The following CLYBL variants were observed in gnomAD, a reference collection of about 807,000 sequenced individuals.
The protein encoded by CLYBL is citramalyl-CoA lyase, mitochondrial.
CLYBL carries 31 observed loss-of-function variants against 38.9 expected under a neutral mutation model. The ratio of observed to expected loss-of-function variants is 0.80; its 90% CI spans 0.60 to 1.08. The LOEUF is 1.08. Among genes scored for constraint, CLYBL ranks in the 50% least tolerant of loss-of-function variants. The pLI is 0.00. For missense variants in CLYBL, 434 were observed against 411.6 expected, an observed-to-expected ratio of 1.05 and a Z score of -0.47; for synonymous variants, 171 against 158.6, an observed-to-expected ratio of 1.08 and a Z score of -0.59.
chr13:99,890,309 A>G (rs1415930633), intron 7 of CLYBL, among the ~76,000 whole-genome samples: 1 of 152,094 alleles, frequency 6.6e-6, no homozygotes, highest in Non-Finnish European at 1.5e-5. Flanking sequence ...CTCATCTAAA[A>G]CAGGGCTTAG....
chr13:99,645,882 G>A (rs2047169420), intron 1 of CLYBL, among the ~76,000 whole-genome samples: 1 of 152,108 alleles, frequency 6.6e-6, no homozygotes. Context: ...CTGTGCTTTT[G>A]GGGCCTTAGG....
chr13:99,710,880 C>CTTTT (rs1566297319), intron 1 of CLYBL, among the ~76,000 whole-genome samples: 2 of 134,880 alleles, frequency 1.5e-5, no homozygotes, highest in African/African-American at 5.7e-5. Flanking sequence ...GTTTCTAACC[C>CTTTT]CTTTTTTTTT....
intron 1 of CLYBL, among the ~76,000 whole-genome samples, chr13:99,696,651 A>T (rs1719521389): frequency 6.6e-6 from 1 of 152,102 alleles, no homozygotes. Flanking sequence ...AGAAGGAAAA[A>T]AAAAAGTATG....
intron 1 of CLYBL, among the ~76,000 whole-genome samples, chr13:99,701,981 C>G (rs918832460): frequency 6.6e-6 from 1 of 152,122 alleles, no homozygotes; most frequent in African/African-American, 2.4e-5. Context: ...AGTGATACCC[C>G]CTCTCCCCTG....
At position 99,734,131 on chromosome 13, in the gene CLYBL, C is replaced by T. The variant is rs547230926; in HGVS notation, c.63-38693C>T. Among the ~76,000 whole-genome samples the T allele has an allele frequency of 2.6e-5, 4 of 152,276 alleles. No individual in the cohort carries two copies. In the East Asian group the frequency reaches 5.8e-4, roughly 22 times the overall value. On this transcript the variant is annotated intron_variant, in intron 1 of 8. Transcript: ENST00000339105. ...TCTGATTCATTTCTTCTGCCCTGCT[C>T]CCCTGCTCTGCATTTTTTTAGTCAA... is the stretch of plus-strand genomic sequence containing the variant.
intron 1 of CLYBL, among the ~76,000 whole-genome samples, chr13:99,748,429 G>GTTTTTTTTTT (rs1165919560): frequency 3.4e-5 from 3 of 87,686 alleles, no homozygotes; most frequent in African/African-American, 1.6e-4. Flanking sequence ...CTAGTTTTGT[G>GTTTTTTTTTT]TTTTTTTTTT....
intron 2 of CLYBL, among the ~76,000 whole-genome samples, chr13:99,818,168 C>G (rs139649138): frequency 6.6e-6 from 1 of 152,146 alleles, no homozygotes; most frequent in Non-Finnish European, 1.5e-5. Flanking sequence ...GATCAGTCAG[C>G]TGGTTACCAG....
rs529111294 is a variant in CLYBL, at chr13:99,651,565, G to A, written c.62+44808G>A. 7.3e-5 allele frequency among the ~76,000 whole-genome samples: 11 copies of A among 149,860 alleles called. No individual in the cohort carries two copies. The South Asian group carries it at 1.5e-3, about 20-fold the overall frequency. ...AGCCTGGGTGACACAGCGAGACCCC[G>A]TCTCAAAAAAGAATTGAATAAATAT... On this transcript the variant is annotated intron_variant, in intron 1 of 8. Coordinates refer to ENST00000339105, the MANE Select transcript of CLYBL (RefSeq NM_206808.5).
At chr13:99,771,065 G>A (rs2049384351) in intron 1 of CLYBL, among the ~76,000 whole-genome samples, 1 of 129,710 alleles carries the variant, frequency 7.7e-6, no homozygotes, top group African/African-American at 3.0e-5. Flanking sequence ...GCAAGGTATT[G>A]CTCTGTTGCT....
chr13:99,621,249 C>T (rs917642734), intron 1 of CLYBL, among the ~76,000 whole-genome samples: 2 of 152,144 alleles, frequency 1.3e-5, no homozygotes, highest in Non-Finnish European at 2.9e-5. Flanking sequence ...AGTCCAGGCC[C>T]CTTAGTGTGG....
intron 1 of CLYBL, among the ~76,000 whole-genome samples, chr13:99,721,989 C>T (rs959325352): frequency 2.3e-4 from 35 of 152,212 alleles, no homozygotes; most frequent in African/African-American, 8.4e-4. Flanking sequence ...TTTAATTTCT[C>T]TATTTGTGAT....
At chr13:99,843,495 G>C (rs548991599) in intron 2 of CLYBL, among the ~76,000 whole-genome samples, 23 of 152,248 alleles carry the variant, frequency 1.5e-4, no homozygotes, top group Middle Eastern at 3.4e-3. Context: ...TAGGCAGGGA[G>C]CTGTTCTCTC....
At chr13:99,873,075 C>A (rs749651061) in intron 7 of CLYBL, among the ~76,000 whole-genome samples, 11 of 152,076 alleles carry the variant, frequency 7.2e-5, no homozygotes, top group Non-Finnish European at 1.2e-4. Context: ...TAGGTAATTT[C>A]TTCCCTGCCC....
chr13:99,773,274 A>G (rs2049438501), intron 2 of CLYBL, among the ~76,000 whole-genome samples: 1 of 152,222 alleles, frequency 6.6e-6, no homozygotes, highest in Non-Finnish European at 1.5e-5. Context: ...AAGATGGACA[A>G]TCAATTTTGG....
chr13:99,898,503 A>G (rs1394769569), downstream of CLYBL, among the ~76,000 whole-genome samples: 4 of 152,282 alleles, frequency 2.6e-5, no homozygotes, highest in Middle Eastern at 3.4e-3. Context: ...ATTTTTCCCC[A>G]TCTAATTTCC....
At chr13:99,786,991 T>A (rs1270979916) in intron 2 of CLYBL, among the ~76,000 whole-genome samples, 1 of 152,180 alleles carries the variant, frequency 6.6e-6, no homozygotes, top group African/African-American at 2.4e-5. Context: ...GTGTGTTGGC[T>A]GCATAAATGT....
intron 1 of CLYBL, among the ~76,000 whole-genome samples, chr13:99,717,574 C>T (rs2048337620): frequency 6.6e-6 from 1 of 151,984 alleles, no homozygotes; most frequent in Non-Finnish European, 1.5e-5. Context: ...ATCCTCCTGC[C>T]TCAGCCTCCT....
chr13:99,746,568 A>G (rs1435244666), intron 1 of CLYBL, among the ~76,000 whole-genome samples: 2 of 152,158 alleles, frequency 1.3e-5, no homozygotes, highest in African/African-American at 2.4e-5. Flanking sequence ...CATTCTAACT[A>G]GGGGCCTCTG....
intron 1 of CLYBL, among the ~76,000 whole-genome samples, chr13:99,770,340 C>T (rs1176159308): frequency 2.0e-5 from 3 of 151,528 alleles, no homozygotes; most frequent in Non-Finnish European, 2.9e-5. Flanking sequence ...TTTTTTGAGA[C>T]GGAGTCTCGC....
Sources: allele counts gnomAD v4.1 joint callset (sites outside exome capture counted in the v4.1 genomes callset), GRCh38; gene constraint gnomAD v4.1.1; transcripts MANE v1.5; gene names NCBI Gene and HGNC (gene_info 2026-07-23, HGNC 2026-07-21).